LRRC37B: variants seen among roughly 807,000 people sequenced by gnomAD.
LRRC37B encodes leucine rich repeat containing 37B, also known as leucine-rich repeat-containing protein 37B.
Under a neutral mutation model 98.3 loss-of-function variants are expected in LRRC37B, and 28 were observed. The ratio of observed to expected loss-of-function variants is 0.28; its 90% CI spans 0.21 to 0.39. The LOEUF is 0.39. Among genes scored for constraint, LRRC37B ranks in the 10% least tolerant of loss-of-function variants. The probability of loss-of-function intolerance (pLI) is 1.00; values close to 1 mark genes in which losing one functional copy is unlikely to be tolerated. For synonymous variants in LRRC37B, 364 were observed against 442.7 expected (o/e 0.82, Z 2.23); for missense variants, 938 against 1,182.7 (o/e 0.79, Z 3.03).
At chr17:32,010,099 G>T (rs1278291025) in intron 1 of LRRC37B, among the ~76,000 whole-genome samples, 1 of 152,118 alleles carries the variant, frequency 6.6e-6, no homozygotes, top group Non-Finnish European at 1.5e-5. Flanking sequence ...TTTTAAATTT[G>T]GATGAAGTCT....
chr17:32,032,611 C>T (rs369735755), intron 5 of LRRC37B, among the ~76,000 whole-genome samples: 7 of 152,152 alleles, frequency 4.6e-5, no homozygotes, highest in African/African-American at 1.7e-4. Flanking sequence ...TAGTTTCACA[C>T]AGTTCATTTT....
chr17:32,036,168 T>A (rs1911240459), intron 7 of LRRC37B: 1 of 153,198 alleles, frequency 6.5e-6, no homozygotes, highest in Admixed American at 6.5e-5. Context: ...GCCCAGAAAA[T>A]TTTCATATTT....
chr17:32,015,503 C>T (rs968593162), intron 1 of LRRC37B, among the ~76,000 whole-genome samples: 1 of 152,058 alleles, frequency 6.6e-6, no homozygotes, highest in Non-Finnish European at 1.5e-5. Flanking sequence ...TCTCAGATAC[C>T]AATTAGAAAC....
rs1911535797 is a variant in LRRC37B at position 32,045,072 on chromosome 17, G to T, written c.2205-628G>T. Among the ~76,000 whole-genome samples, 3 of 151,730 alleles carry T rather than the reference G, an allele frequency of 2.0e-5. No homozygotes were observed. The South Asian group carries it at 6.3e-4, about 32-fold the overall frequency. On this transcript the variant is annotated intron_variant, in intron 7 of 11. Coordinates refer to ENST00000327564, the Ensembl canonical transcript of LRRC37B. ...GCAAAGTGACACTTTTTAAAATTCT[G>T]TCATTCCTTCTACATTTATTAGCTA...
chr17:32,041,515 C>G (rs1213314740), intron 7 of LRRC37B: 2 of 556,004 alleles, frequency 3.6e-6, no homozygotes, highest in Non-Finnish European at 6.9e-6. Context: ...GTGCTCATGC[C>G]TCTGCCCAGT....
intron 5 of LRRC37B, chr17:32,033,869 A>C (rs1456072692): frequency 2.0e-5 from 3 of 152,224 alleles, no homozygotes; most frequent in African/African-American, 7.2e-5. Context: ...GATAAACAAA[A>C]TGTCATTTGT....
intron 3 of LRRC37B, among the ~76,000 whole-genome samples, chr17:32,030,041 G>A (rs991782755): frequency 2.0e-5 from 3 of 151,834 alleles, no homozygotes; most frequent in African/African-American, 7.3e-5. Context: ...ACACCATCCA[G>A]GTAAAGAGGG....
exon 1 of LRRC37B, chr17:32,022,389 A>G (rs1910823397): frequency 1.9e-6 from 3 of 1,613,820 alleles, no homozygotes; most frequent in Non-Finnish European, 2.5e-6. Flanking sequence ...GACTGAAGCC[A>G]CAGTTCAACC....
chr17:32,042,123 C>T, intron 7 of LRRC37B: 1 of 305,682 alleles, frequency 3.3e-6, no homozygotes, highest in South Asian at 2.7e-5. Flanking sequence ...CCCTGGCCTG[C>T]TGTCAGCTTG....
chr17:32,026,569 C>G (rs1330575407), intron 2 of LRRC37B, among the ~76,000 whole-genome samples: 2 of 152,162 alleles, frequency 1.3e-5, no homozygotes, highest in Non-Finnish European at 2.9e-5. Flanking sequence ...GCTGGAATTA[C>G]AGGTGCCCGC....
At chr17:32,027,423 G>A (rs557598268) in intron 2 of LRRC37B, among the ~76,000 whole-genome samples, 8 of 150,288 alleles carry the variant, frequency 5.3e-5, no homozygotes, top group East Asian at 2.0e-4. Flanking sequence ...GTGTGTGTGC[G>A]TGCTTGCCTG....
intron 7 of LRRC37B, chr17:32,036,029 G>A: frequency 5.0e-6 from 1 of 201,918 alleles, no homozygotes; most frequent in South Asian, 8.5e-5. Context: ...TTGAGACGGA[G>A]TCTCACTGTC....
At chr17:32,021,499 A>G in exon 1 of LRRC37B, 2 of 1,614,086 alleles carry the variant, frequency 1.2e-6, no homozygotes, top group Middle Eastern at 1.7e-4. Context: ...TTGGCTGCAC[A>G]TCAGGACTTA....
At chr17:32,029,146 C>A (rs1185172463) in intron 3 of LRRC37B, among the ~76,000 whole-genome samples, 1 of 151,946 alleles carries the variant, frequency 6.6e-6, no homozygotes, top group Non-Finnish European at 1.5e-5. Flanking sequence ...CAACTACAGG[C>A]ACACGCCGCC....
intron 7 of LRRC37B, among the ~76,000 whole-genome samples, chr17:32,037,075 C>T (rs897880599): frequency 6.7e-6 from 1 of 148,958 alleles, no homozygotes; most frequent in African/African-American, 2.5e-5. Flanking sequence ...CAACCTCTAC[C>T]TCCTGAGTTC....
intron 1 of LRRC37B, among the ~76,000 whole-genome samples, chr17:32,012,947 G>A (rs1910568501): frequency 6.6e-6 from 1 of 152,162 alleles, no homozygotes; most frequent in African/African-American, 2.4e-5. Context: ...AAGCCGGGAG[G>A]CAGAGGTTGT....
At chr17:32,011,029 C>T (rs1447935462) in intron 1 of LRRC37B, among the ~76,000 whole-genome samples, 12 of 148,214 alleles carry the variant, frequency 8.1e-5, no homozygotes, top group African/African-American at 3.0e-4. Flanking sequence ...TGGAGTCTTG[C>T]TCTGTCACCT....
upstream of LRRC37B, chr17:32,020,792 T>A (rs1910747007): frequency 3.3e-6 from 2 of 607,174 alleles, no homozygotes; most frequent in Non-Finnish European, 5.1e-6. Context: ...CTTCTGAAGA[T>A]CCCAAGGCCA....
intron 7 of LRRC37B, among the ~76,000 whole-genome samples, chr17:32,039,696 G>A (rs531722686): frequency 6.7e-6 from 1 of 148,858 alleles, no homozygotes; most frequent in African/African-American, 2.5e-5. Flanking sequence ...CCCACAATAT[G>A]GCAAGCTAAA....
Sources: gnomAD v4.1 joint callset for allele counts (sites outside exome capture counted in the v4.1 genomes callset) on GRCh38, gnomAD v4.1.1 for gene constraint, MANE v1.5 for transcripts, NCBI Gene and HGNC (gene_info 2026-07-23, HGNC 2026-07-21) for gene names.